The following NRXN1 variants were observed in gnomAD, a reference collection of about 807,000 sequenced individuals.
NRXN1 encodes neurexin-1.
In NRXN1, 39 loss-of-function variants were observed where a neutral mutation model predicts 150.9. That is an observed-to-expected ratio of 0.26 (90% CI 0.20 to 0.34). The LOEUF (loss-of-function observed/expected upper bound fraction) is 0.34. Among genes scored for constraint, NRXN1 ranks in the 10% least tolerant of loss-of-function variants. NRXN1 has a pLI of 1.00. For synonymous variants in NRXN1, 924 were observed against 757.0 expected, an observed-to-expected ratio of 1.22 and a Z score of -3.62; for missense variants, 1,815 against 1,949.9, an observed-to-expected ratio of 0.93 and a Z score of 1.30.
intron 5 of NRXN1, among the ~76,000 whole-genome samples, chr2:50,666,906 T>G (rs1322147648): frequency 2.6e-5 from 4 of 151,066 alleles, no homozygotes; most frequent in Non-Finnish European, 5.9e-5. Flanking sequence ...TGTGTGTGTG[T>G]GGTGAAGCTC....
At chr2:50,007,573 A>G (rs1684977117) in intron 21 of NRXN1, among the ~76,000 whole-genome samples, 1 of 152,028 alleles carries the variant, frequency 6.6e-6, no homozygotes, top group Admixed American at 6.5e-5. Flanking sequence ...ATCCTTTTTT[A>G]TGGCTGCATA....
chr2:50,057,028 C>A (rs1693757516), intron 19 of NRXN1, among the ~76,000 whole-genome samples: 1 of 152,150 alleles, frequency 6.6e-6, no homozygotes, highest in Non-Finnish European at 1.5e-5. Context: ...CTACTACAGT[C>A]TATTGACAGA....
intron 5 of NRXN1, among the ~76,000 whole-genome samples, chr2:50,739,442 A>AT (rs944612815): frequency 2.0e-5 from 3 of 152,128 alleles, no homozygotes; most frequent in African/African-American, 7.2e-5. Context: ...TTATGCATCA[A>AT]TTTTTTACCT....
intron 5 of NRXN1, among the ~76,000 whole-genome samples, chr2:50,631,935 T>C (rs1573889937): frequency 6.6e-6 from 1 of 151,916 alleles, no homozygotes; most frequent in South Asian, 2.1e-4. Flanking sequence ...ACAATCAAAA[T>C]TAAAAGTAGC....
chr2:50,384,876 A>G (rs142964983), intron 17 of NRXN1, among the ~76,000 whole-genome samples: 281 of 152,250 alleles, frequency 1.8e-3, no homozygotes, highest in African/African-American at 6.7e-3. Flanking sequence ...CCTTAGAATC[A>G]TTCACCCACT....
At chr2:50,003,532 T>G (rs1684281015) in intron 21 of NRXN1, among the ~76,000 whole-genome samples, 1 of 152,150 alleles carries the variant, frequency 6.6e-6, no homozygotes, top group East Asian at 1.9e-4. Flanking sequence ...TGATAAAATC[T>G]GTTGGCAACC....
At chr2:50,290,583 AC>A (rs1238703707) in intron 17 of NRXN1, among the ~76,000 whole-genome samples, 2 of 152,116 alleles carry the variant, frequency 1.3e-5, no homozygotes, top group East Asian at 3.9e-4. Context: ...CTAGTTTCCT[AC>A]GTTCTCTAGC....
intron 5 of NRXN1, among the ~76,000 whole-genome samples, chr2:50,695,656 T>C (rs1026686008): frequency 3.3e-5 from 5 of 152,194 alleles, no homozygotes; most frequent in Admixed American, 2.6e-4. Context: ...AATATGTTAA[T>C]AGTTCTAAGA....
chr2:50,263,352 G>A (rs2068506509), intron 17 of NRXN1, among the ~76,000 whole-genome samples: 1 of 151,950 alleles, frequency 6.6e-6, no homozygotes, highest in South Asian at 2.1e-4. Context: ...TTATGGTAAG[G>A]TGGCACTGTG....
chr2:49,970,207 G>C (rs1326695710), intron 21 of NRXN1: 1 of 151,896 alleles, frequency 6.6e-6, no homozygotes, highest in African/African-American at 2.4e-5. Context: ...ATGAATTGTG[G>C]CTTAACCCAC....
At chr2:50,049,119 A>G (rs917803568) in intron 21 of NRXN1, among the ~76,000 whole-genome samples, 1 of 152,184 alleles carries the variant, frequency 6.6e-6, no homozygotes, top group East Asian at 1.9e-4. Flanking sequence ...AATTTTGGAT[A>G]TGCTGTAAAA....
chr2:50,292,568 C>A (rs995940127), intron 17 of NRXN1, among the ~76,000 whole-genome samples: 15 of 152,268 alleles, frequency 9.9e-5, no homozygotes, highest in Admixed American at 9.8e-4. Flanking sequence ...CATGCAAGAG[C>A]TCTGGGTGGG....
At chr2:50,891,078 C>T (rs1481518244) in intron 5 of NRXN1, among the ~76,000 whole-genome samples, 2 of 151,996 alleles carry the variant, frequency 1.3e-5, no homozygotes, top group African/African-American at 4.8e-5. Flanking sequence ...GGATACTCCA[C>T]AGCCTCCTCG....
intron 5 of NRXN1, among the ~76,000 whole-genome samples, chr2:50,663,605 G>A (rs1054437458): frequency 2.6e-5 from 4 of 151,910 alleles, no homozygotes. Flanking sequence ...TGTTTGGGTT[G>A]GACTAATTTC....
intron 5 of NRXN1, among the ~76,000 whole-genome samples, chr2:50,660,660 G>T (rs939209269): frequency 6.6e-6 from 1 of 152,018 alleles, no homozygotes; most frequent in Admixed American, 6.6e-5. Context: ...ACCGACTGCT[G>T]GTTTACAGCA....
chr2:50,625,274 C>A (rs1003187580), intron 5 of NRXN1, among the ~76,000 whole-genome samples: 2 of 152,080 alleles, frequency 1.3e-5, no homozygotes, highest in Non-Finnish European at 2.9e-5. Context: ...CCATCAGTGG[C>A]TACAGGTAGT....
At chr2:50,564,260 A>G (rs1012817651) in intron 8 of NRXN1, among the ~76,000 whole-genome samples, 7 of 152,190 alleles carry the variant, frequency 4.6e-5, no homozygotes, top group Admixed American at 2.0e-4. Flanking sequence ...ACCTAAATAA[A>G]GGGTAGTCAT....
At chr2:50,424,159 G>GGGAGGA (rs1202697190) in intron 17 of NRXN1, among the ~76,000 whole-genome samples, 4 of 86,774 alleles carry the variant, frequency 4.6e-5, no homozygotes, top group Non-Finnish European at 9.1e-5. Context: ...GAGGAGGAAG[G>GGGAGGA]GGAGGAGGAG....
chr2:50,485,199 G>C (rs900023463), intron 15 of NRXN1, among the ~76,000 whole-genome samples: 79 of 152,284 alleles, frequency 5.2e-4, no homozygotes, highest in African/African-American at 1.8e-3. Flanking sequence ...TCTGACTGAA[G>C]TGCCAACACA....
Sources: allele counts gnomAD v4.1 joint callset (sites outside exome capture counted in the v4.1 genomes callset), GRCh38; gene constraint gnomAD v4.1.1; transcripts MANE v1.5; gene names NCBI Gene and HGNC (gene_info 2026-07-23, HGNC 2026-07-21).